Variants in NCOR2 observed in about 807,000 individuals in gnomAD.
NCOR2 encodes nuclear receptor corepressor 2.
NCOR2 carries 81 observed loss-of-function variants against 262.9 expected under a neutral mutation model. That is an observed-to-expected ratio of 0.31 (90% CI 0.26 to 0.37). The LOEUF (loss-of-function observed/expected upper bound fraction) is 0.37. NCOR2 is among the 10% of genes least tolerant of loss of function. NCOR2 has a pLI of 1.00. For synonymous variants in NCOR2, 1,659 were observed against 1,559.3 expected (o/e 1.06, Z -1.51); for missense variants, 3,385 against 3,621.4 (o/e 0.93, Z 1.68).
At chr12:124,359,820 G>A (rs1303953616) in intron 22 of NCOR2, among the ~76,000 whole-genome samples, 2 of 152,274 alleles carry the variant, frequency 1.3e-5, no homozygotes, top group Non-Finnish European at 2.9e-5. Flanking sequence ...GAGCCGCTCT[G>A]TGTGGGAGCC....
chr12:124,475,749 C>G (rs1216116944), intron 3 of NCOR2, among the ~76,000 whole-genome samples: 1 of 152,186 alleles, frequency 6.6e-6, no homozygotes, highest in Non-Finnish European at 1.5e-5. Context: ...TTCTGTTTGA[C>G]GACATGCCCA....
intron 5 of NCOR2, among the ~76,000 whole-genome samples, chr12:124,458,694 G>C (rs1183948511): frequency 6.6e-6 from 1 of 152,246 alleles, no homozygotes; most frequent in African/African-American, 2.4e-5. Context: ...CTGAGGCACA[G>C]AAACAAAACA....
At chr12:124,564,509 C>T (rs2137305114) in intron 1 of NCOR2, among the ~76,000 whole-genome samples, 1 of 150,880 alleles carries the variant, frequency 6.6e-6, no homozygotes, top group South Asian at 2.1e-4. Context: ...TAAAAGCTCT[C>T]AACCCCCGCC....
chr12:124,400,496 C>T lies in NCOR2; in HGVS notation c.1813+5G>A. The T allele has an allele frequency of 1.1e-5, 17 of 1,610,566 alleles. No homozygotes were observed. Among genetic ancestry groups the T allele is most frequent in the Non-Finnish European group, 1.4e-5 (17 of 1,177,408 alleles). ...CCCCACCCGCATCCCTGGCCCCCAG[C>T]TCACCCAGCTCGGCGCTCTGCTGGG... is the stretch of plus-strand genomic sequence containing the variant. On this transcript the variant is annotated splice_donor_5th_base_variant and intron_variant, in intron 15 of 46. Transcript: ENST00000405201.
In NCOR2 at chr12:124,335,644, G is replaced by A. The variant is rs201540578; in HGVS notation, c.6116-12C>T. 3.6e-3 allele frequency: 5,654 copies of A among 1,589,226 alleles called. 16 individuals carry two copies. Among genetic ancestry groups the A allele is most frequent in the Non-Finnish European group, 4.4e-3 (5,207 of 1,171,246 alleles). On this transcript the variant is annotated splice_polypyrimidine_tract_variant and intron_variant, in intron 38 of 46. Coordinates refer to ENST00000405201, the Ensembl canonical transcript of NCOR2. ...GCTGCCGTGGTAACCTAGGGCAGGC[G>A]GGGGGTGCAGAGTCAGGCACCGGGC...
intron 1 of NCOR2, among the ~76,000 whole-genome samples, chr12:124,558,152 C>T (rs2137283355): frequency 6.6e-6 from 1 of 152,272 alleles, no homozygotes; most frequent in Admixed American, 6.5e-5. Flanking sequence ...AATGTGAGGA[C>T]AAACAGAGTC....
chr12:124,398,224 A>T, intron 15 of NCOR2, 43 bp from the exon 18 acceptor site: 2 of 1,607,756 alleles, frequency 1.2e-6, no homozygotes, highest in Non-Finnish European at 1.7e-6. Flanking sequence ...CCGGGAGAGG[A>T]GGCACTTTGC....
chr12:124,352,198 T>C (rs1275410971), intron 27 of NCOR2, among the ~76,000 whole-genome samples: 1 of 152,140 alleles, frequency 6.6e-6, no homozygotes, highest in African/African-American at 2.4e-5. Flanking sequence ...TCCTGCAGCA[T>C]CCTGGCGGGA....
At chr12:124,446,002 A>G (rs2045143593) in intron 7 of NCOR2, among the ~76,000 whole-genome samples, 1 of 152,224 alleles carries the variant, frequency 6.6e-6, no homozygotes, top group African/African-American at 2.4e-5. Flanking sequence ...GTCCCACTTG[A>G]GGTCCCTGTG....
intron 17 of NCOR2, among the ~76,000 whole-genome samples, chr12:124,383,816 C>A (rs968313374): frequency 1.3e-5 from 2 of 152,250 alleles, no homozygotes; most frequent in Non-Finnish European, 1.5e-5. Context: ...AATCCACAAG[C>A]TGGGCCTTGA....
intron 3 of NCOR2, among the ~76,000 whole-genome samples, chr12:124,475,644 G>A (rs1565977910): frequency 6.6e-6 from 1 of 152,238 alleles, no homozygotes. Flanking sequence ...CTGAGGGCCA[G>A]ATTTGGAGCT....
intron 11 of NCOR2, among the ~76,000 whole-genome samples, chr12:124,423,134 C>T (rs1196774226): frequency 1.3e-5 from 2 of 152,218 alleles, no homozygotes; most frequent in African/African-American, 4.8e-5. Flanking sequence ...GGCACTGTCC[C>T]AACTGGCTTC....
At chr12:124,344,279 T>A (rs2036730212) in intron 32 of NCOR2, among the ~76,000 whole-genome samples, 1 of 152,134 alleles carries the variant, frequency 6.6e-6, no homozygotes, top group African/African-American at 2.4e-5. Flanking sequence ...GCTAGAAGGA[T>A]GGAAGCAGGG....
chr12:124,453,038 G>A (rs769507461), intron 6 of NCOR2, among the ~76,000 whole-genome samples: 4 of 152,298 alleles, frequency 2.6e-5, no homozygotes, highest in East Asian at 1.9e-4. Context: ...GCAACAGGCT[G>A]AGGACAGCCA....
At chr12:124,552,928 T>TCC (rs2051759825) in intron 1 of NCOR2, among the ~76,000 whole-genome samples, 3 of 152,248 alleles carry the variant, frequency 2.0e-5, no homozygotes, top group African/African-American at 7.2e-5. Context: ...CAAGCGATCC[T>TCC]CCCACCTCAG....
At position 124,486,575 on chromosome 12, in the gene NCOR2, G is replaced by A; in HGVS notation, c.106-7C>T. On this transcript the variant is annotated splice_polypyrimidine_tract_variant and splice_region_variant and intron_variant, in intron 1 of 46. Transcript: ENST00000405201. Reference sequence around the variant, plus strand: ...ACTCCAGGAGCCCGACGTCCTGCAGGAGGGGACAGAGGAGTGGTGAGCGTG... The same window carrying A: ...ACTCCAGGAGCCCGACGTCCTGCAGAAGGGGACAGAGGAGTGGTGAGCGTG... 6.4e-7 allele frequency: 1 copy of A among 1,562,140 alleles called. No individual in the cohort carries two copies. The highest frequency in any genetic ancestry group is 2.4e-5 in the East Asian group (1 of 41,918).
intron 17 of NCOR2, among the ~76,000 whole-genome samples, chr12:124,380,221 GCC>G (rs1199612069): frequency 6.6e-6 from 1 of 152,228 alleles, no homozygotes; most frequent in African/African-American, 2.4e-5. Context: ...CTGGAGCTGG[GCC>G]TCATGGAGGG....
chr12:124,340,884 C>A, intron 34 of NCOR2, 133 bp from the exon 37 acceptor site: 1 of 862,210 alleles, frequency 1.2e-6, no homozygotes, highest in Non-Finnish European at 1.6e-6. Flanking sequence ...GGCACTCCCT[C>A]CTCGGCTCCC....
intron 13 of NCOR2, among the ~76,000 whole-genome samples, chr12:124,407,588 C>G (rs980538600): frequency 6.6e-6 from 1 of 152,092 alleles, no homozygotes; most frequent in African/African-American, 2.4e-5. Flanking sequence ...AATAGCAGGT[C>G]GCAGGAAGGA....
Sources: gnomAD v4.1 joint callset for allele counts (sites outside exome capture counted in the v4.1 genomes callset) on GRCh38, gnomAD v4.1.1 for gene constraint, MANE v1.5 for transcripts, NCBI Gene and HGNC (gene_info 2026-07-23, HGNC 2026-07-21) for gene names.